GMDS: variants seen among roughly 807,000 people sequenced by gnomAD.
GMDS encodes the protein GDP-mannose 4,6 dehydratase.
In GMDS, 20 loss-of-function variants were observed where a neutral mutation model predicts 49.9. The ratio of observed to expected loss-of-function variants is 0.40; its 90% CI spans 0.28 to 0.58. GMDS has a LOEUF of 0.58. Ranked by LOEUF, GMDS falls within the 20% of genes least tolerant of loss-of-function variation. The probability of loss-of-function intolerance (pLI) is 0.42; values close to 1 mark genes in which losing one functional copy is unlikely to be tolerated. For missense variants in GMDS, 362 were observed against 481.4 expected, an observed-to-expected ratio of 0.75 and a Z score of 2.32; for synonymous variants, 177 against 178.6, an observed-to-expected ratio of 0.99 and a Z score of 0.07.
chr6:1,657,798 C>T (rs1040545513), intron 9 of GMDS, among the ~76,000 whole-genome samples: 11 of 137,068 alleles, frequency 8.0e-5, no homozygotes, highest in Non-Finnish European at 1.4e-4. Flanking sequence ...GCAAAATTCT[C>T]TGTCATTTCT....
At chr6:1,881,593 T>A (rs911761028) in intron 7 of GMDS, among the ~76,000 whole-genome samples, 5 of 152,166 alleles carry the variant, frequency 3.3e-5, no homozygotes, top group Non-Finnish European at 7.3e-5. Flanking sequence ...ACTGCAAAGA[T>A]GTGGTTAAAG....
At chr6:1,629,409 C>T (rs1047607801) in intron 9 of GMDS, among the ~76,000 whole-genome samples, 2 of 152,090 alleles carry the variant, frequency 1.3e-5, no homozygotes, top group Non-Finnish European at 2.9e-5. Context: ...AGCAGGCGGT[C>T]CTGTCTGCTC....
intron 9 of GMDS, among the ~76,000 whole-genome samples, chr6:1,658,345 C>G (rs187640844): frequency 2.6e-5 from 4 of 152,236 alleles, no homozygotes; most frequent in Non-Finnish European, 4.4e-5. Flanking sequence ...CGCATTTTCC[C>G]GAAGGCTTTC....
intron 1 of GMDS, among the ~76,000 whole-genome samples, chr6:2,139,531 G>A (rs1190882241): frequency 1.3e-5 from 2 of 152,182 alleles, no homozygotes. Flanking sequence ...CTGATCATAC[G>A]ATGAGAGGCT....
At chr6:1,921,242 A>T (rs557856463) in intron 7 of GMDS, among the ~76,000 whole-genome samples, 2 of 152,372 alleles carry the variant, frequency 1.3e-5, no homozygotes, top group South Asian at 4.1e-4. Context: ...ACATATGCTC[A>T]ATTTTATGTG....
chr6:2,118,242 G>A (rs1286436422), intron 2 of GMDS, among the ~76,000 whole-genome samples: 1 of 152,162 alleles, frequency 6.6e-6, no homozygotes, highest in Non-Finnish European at 1.5e-5. Context: ...ATACTTGCCT[G>A]ATATTGAAGA....
intron 4 of GMDS, among the ~76,000 whole-genome samples, chr6:1,978,603 G>A (rs1463437874): frequency 6.6e-6 from 1 of 152,178 alleles, no homozygotes; most frequent in Non-Finnish European, 1.5e-5. Flanking sequence ...GGCCTAAAGA[G>A]CTCTAATTTC....
At chr6:1,841,690 T>C (rs1757158146) in intron 7 of GMDS, among the ~76,000 whole-genome samples, 1 of 152,208 alleles carries the variant, frequency 6.6e-6, no homozygotes, top group South Asian at 2.1e-4. Context: ...AAATTGTCTC[T>C]CTGTACAGGT....
rs572109924 is a variant in GMDS, at chr6:2,177,891, C to T, written c.103-53160G>A. On this transcript the variant is annotated intron_variant, in intron 1 of 10. Transcript: ENST00000380815. ...TAAAGACATAGAATCAACGCAGGTG[C>T]TCATCAACAGTGGACTAGATAAAGA... Among the ~76,000 whole-genome samples the T allele has an allele frequency of 2.4e-3, 365 of 152,280 alleles. 2 individuals are homozygous for T. Among genetic ancestry groups the T allele is most frequent in the African/African-American group, 8.4e-3 (350 of 41,558 alleles).
At chr6:1,900,910 G>A (rs564439282) in intron 7 of GMDS, among the ~76,000 whole-genome samples, 2 of 152,304 alleles carry the variant, frequency 1.3e-5, no homozygotes, top group East Asian at 1.9e-4. Context: ...TGTTTCAGAC[G>A]ACTCAGTTAT....
At chr6:1,904,069 C>T (rs1031956008) in intron 7 of GMDS, among the ~76,000 whole-genome samples, 5 of 152,144 alleles carry the variant, frequency 3.3e-5, no homozygotes, top group Non-Finnish European at 5.9e-5. Context: ...AACAGAAAAG[C>T]GCTGTTGAAT....
chr6:1,630,883 G>C (rs1581388870), intron 9 of GMDS, among the ~76,000 whole-genome samples: 1 of 152,030 alleles, frequency 6.6e-6, no homozygotes, highest in East Asian at 1.9e-4. Flanking sequence ...CTGAGATGGG[G>C]GGTGGCTGAC....
At chr6:1,743,589 G>C (rs1181665491) in intron 7 of GMDS, among the ~76,000 whole-genome samples, 2 of 151,660 alleles carry the variant, frequency 1.3e-5, no homozygotes, top group Non-Finnish European at 2.9e-5. Context: ...CACTTTCTCA[G>C]TAGGAGCCAG....
At chr6:1,894,716 T>C (rs1760062522) in intron 7 of GMDS, among the ~76,000 whole-genome samples, 1 of 152,218 alleles carries the variant, frequency 6.6e-6, no homozygotes, top group South Asian at 2.1e-4. Flanking sequence ...AGAAATGGGA[T>C]GGTAATACAA....
chr6:2,100,975 A>C (rs1773889592), intron 4 of GMDS, among the ~76,000 whole-genome samples: 1 of 152,052 alleles, frequency 6.6e-6, no homozygotes, highest in Non-Finnish European at 1.5e-5. Context: ...AACTCTGTTA[A>C]CTTCTATGTT....
intron 1 of GMDS, among the ~76,000 whole-genome samples, chr6:2,194,253 T>TTTTTAAATC (rs1315950630): frequency 6.6e-6 from 1 of 152,168 alleles, no homozygotes; most frequent in Admixed American, 6.5e-5. Flanking sequence ...CAAGGTTAAT[T>TTTTTAAATC]TTTTAAATCA....
intron 4 of GMDS, among the ~76,000 whole-genome samples, chr6:2,083,179 A>T (rs899366552): frequency 6.6e-6 from 1 of 152,214 alleles, no homozygotes; most frequent in African/African-American, 2.4e-5. Context: ...GCTTTTAATC[A>T]ATACAAGATT....
chr6:1,897,454 T>C (rs1026655422), intron 7 of GMDS, among the ~76,000 whole-genome samples: 1 of 152,198 alleles, frequency 6.6e-6, no homozygotes, highest in African/African-American at 2.4e-5. Flanking sequence ...GAGGATGGCA[T>C]CCTGGAAAGG....
intron 7 of GMDS, among the ~76,000 whole-genome samples, chr6:1,866,460 T>C (rs567842069): frequency 6.6e-6 from 1 of 152,256 alleles, no homozygotes; most frequent in African/African-American, 2.4e-5. Flanking sequence ...TAGTTAGTAG[T>C]GAGTATGAGC....
Sources: gnomAD v4.1 joint callset for allele counts (sites outside exome capture counted in the v4.1 genomes callset) on GRCh38, gnomAD v4.1.1 for gene constraint, MANE v1.5 for transcripts, NCBI Gene and HGNC (gene_info 2026-07-23, HGNC 2026-07-21) for gene names.